CACNA2D3: variants seen among roughly 807,000 people sequenced by gnomAD.
The protein encoded by CACNA2D3 is voltage-dependent calcium channel subunit alpha-2/delta-3.
A neutral mutation model predicts 160.6 loss-of-function variants in CACNA2D3; 60 were observed. The ratio of observed to expected loss-of-function variants is 0.37; its 90% CI spans 0.30 to 0.46. CACNA2D3 has a LOEUF of 0.46. Among genes scored for constraint, CACNA2D3 ranks in the 20% least tolerant of loss-of-function variants. The pLI, the probability that CACNA2D3 is intolerant of heterozygous loss-of-function variation, is 1.00. For missense variants in CACNA2D3, 1,205 were observed against 1,365.0 expected (o/e 0.88, Z 1.85); for synonymous variants, 558 against 492.9 (o/e 1.13, Z -1.75).
chr3:54,921,385 A>G (rs930270322), intron 27 of CACNA2D3, among the ~76,000 whole-genome samples: 5 of 152,196 alleles, frequency 3.3e-5, no homozygotes, highest in African/African-American at 1.2e-4. Flanking sequence ...TATTTAGCAT[A>G]ATACCTAGCT....
intron 4 of CACNA2D3, among the ~76,000 whole-genome samples, chr3:54,413,222 CTTCTGATCTT>C (rs1699698179): frequency 6.6e-6 from 1 of 151,406 alleles, no homozygotes; most frequent in African/African-American, 2.4e-5. Flanking sequence ...ATTCCATTCT[CTTCTGATCTT>C]TAGTGTTTCT....
chr3:54,447,176 T>C (rs1420491054), intron 4 of CACNA2D3, among the ~76,000 whole-genome samples: 1 of 152,216 alleles, frequency 6.6e-6, no homozygotes, highest in Non-Finnish European at 1.5e-5. Context: ...ACCACATGCA[T>C]GGCAGCTGCA....
Position 54,581,784 on chromosome 3 carries a change from T to G in CACNA2D3, c.889-19T>G. 1 of 1,606,560 alleles carries G rather than the reference T, an allele frequency of 6.2e-7. No homozygotes were observed. On this transcript the variant is annotated intron_variant, in intron 8 of 37. Transcript: ENST00000474759. The stretch of plus-strand genomic sequence containing the variant: ...AATTCCTTAATTAAGTGTTCCTTCT[T>G]GACTTTTTTCCTTTGCAGTATAATG...
chr3:54,458,225 T>C (rs957287648), intron 4 of CACNA2D3, among the ~76,000 whole-genome samples: 5 of 152,268 alleles, frequency 3.3e-5, no homozygotes, highest in Middle Eastern at 3.4e-3. Flanking sequence ...TTTGATTCTT[T>C]TCTCTTACTT....
chr3:54,379,970 C>G (rs1426920933), intron 3 of CACNA2D3, among the ~76,000 whole-genome samples: 2 of 151,930 alleles, frequency 1.3e-5, no homozygotes, highest in African/African-American at 4.8e-5. Flanking sequence ...TCTAATTGCT[C>G]TAGCTACAAA....
intron 2 of CACNA2D3, among the ~76,000 whole-genome samples, chr3:54,166,111 G>A (rs1055094507): frequency 3.3e-5 from 5 of 152,178 alleles, no homozygotes; most frequent in African/African-American, 1.2e-4. Flanking sequence ...AGGCTTTGTT[G>A]AGATGGTTGG....
chr3:54,760,827 C>G (rs954680730), intron 12 of CACNA2D3, among the ~76,000 whole-genome samples: 1 of 152,040 alleles, frequency 6.6e-6, no homozygotes, highest in Non-Finnish European at 1.5e-5. Flanking sequence ...ATGAGAATGA[C>G]CAACTGGGAG....
intron 27 of CACNA2D3, among the ~76,000 whole-genome samples, chr3:54,919,225 C>T (rs1700764355): frequency 6.6e-6 from 1 of 152,180 alleles, no homozygotes; most frequent in African/African-American, 2.4e-5. Context: ...GCACAGCTGC[C>T]CACTGCATTC....
At chr3:54,617,227 T>C (rs1698873651) in intron 9 of CACNA2D3, among the ~76,000 whole-genome samples, 1 of 152,190 alleles carries the variant, frequency 6.6e-6, no homozygotes. Flanking sequence ...TTCTAGAATA[T>C]GGACCTTGCT....
In CACNA2D3 at chr3:54,987,732, T is replaced by C; in HGVS notation, c.2669T>C (p.Leu890Pro). ...EIEGAVMNKLLTMGSFKRITL... is the reference protein window; with the variant it reads ...EIEGAVMNKLPTMGSFKRITL... The stretch of plus-strand genomic sequence containing the variant: ...GAGGGAGCTGTGATGAACAAATTGC[T>C]AACAATGGGCTCCTTTAAAAGGTAA... The change falls in exon 31 of 38, where the codon CTA (leucine) becomes CCA (proline). Residue 890 changes from leucine (L) to proline (P), a missense_variant. This residue lies in a region of CACNA2D3 where 911 missense variants were observed against 1,002.2 expected (regional missense o/e 0.91). Coordinates refer to ENST00000474759, the MANE Select transcript of CACNA2D3 (RefSeq NM_018398.3). 2 of 1,610,638 alleles carry C rather than the reference T, an allele frequency of 1.2e-6. No individual in the cohort carries two copies. Among genetic ancestry groups the C allele is most frequent in the Non-Finnish European group, 1.7e-6 (2 of 1,178,748 alleles).
chr3:54,279,465 G>T (rs187661452), intron 2 of CACNA2D3, among the ~76,000 whole-genome samples: 169 of 152,148 alleles, frequency 1.1e-3, no homozygotes, highest in Non-Finnish European at 2.1e-3. Context: ...CCCTCTCTGT[G>T]TCTCTGGTAC....
intron 5 of CACNA2D3, among the ~76,000 whole-genome samples, chr3:54,526,285 C>T (rs1701721368): frequency 6.6e-6 from 1 of 152,088 alleles, no homozygotes; most frequent in Admixed American, 6.5e-5. Context: ...ATAATAGCTA[C>T]TTTGAAGTCT....
chr3:54,784,478 C>T (rs374202062), intron 13 of CACNA2D3, among the ~76,000 whole-genome samples: 6 of 152,076 alleles, frequency 3.9e-5, no homozygotes, highest in African/African-American at 9.7e-5. Context: ...TTTGCTCCCC[C>T]CAAATAGTCA....
At chr3:54,538,047 G>C (rs767186550) in intron 5 of CACNA2D3, among the ~76,000 whole-genome samples, 10 of 152,148 alleles carry the variant, frequency 6.6e-5, no homozygotes, top group Non-Finnish European at 1.3e-4. Context: ...AGTCACGTGA[G>C]TGTCCACCTG....
intron 11 of CACNA2D3, among the ~76,000 whole-genome samples, chr3:54,672,525 G>C (rs568755544): frequency 6.6e-6 from 1 of 152,152 alleles, no homozygotes; most frequent in South Asian, 2.1e-4. Context: ...TCATTTTAGG[G>C]GTTGTTTCCA....
intron 11 of CACNA2D3, among the ~76,000 whole-genome samples, chr3:54,748,821 C>T (rs536683049): frequency 1.1e-4 from 16 of 152,218 alleles, no homozygotes; most frequent in Admixed American, 1.3e-4. Flanking sequence ...AAGTTTGTTA[C>T]GTGGTGCTTC....
intron 2 of CACNA2D3, among the ~76,000 whole-genome samples, chr3:54,137,040 G>A (rs1247626573): frequency 6.6e-6 from 1 of 152,174 alleles, no homozygotes; most frequent in African/African-American, 2.4e-5. Flanking sequence ...CTCCCGGCCT[G>A]TGCACATCTT....
At chr3:54,245,901 T>C (rs1243965587) in intron 2 of CACNA2D3, among the ~76,000 whole-genome samples, 1 of 152,268 alleles carries the variant, frequency 6.6e-6, no homozygotes, top group Non-Finnish European at 1.5e-5. Flanking sequence ...ATCATCATTG[T>C]CATCTGGTAG....
At chr3:54,647,268 T>C (rs998682366) in intron 11 of CACNA2D3, among the ~76,000 whole-genome samples, 1 of 152,182 alleles carries the variant, frequency 6.6e-6, no homozygotes, top group Admixed American at 6.5e-5. Flanking sequence ...TTATGATCAT[T>C]TGTTATGTAG....
Sources: gnomAD v4.1 joint callset for allele counts (sites outside exome capture counted in the v4.1 genomes callset) on GRCh38, gnomAD v4.1.1 for gene constraint, gnomAD v4.1.1 regional missense constraint, MANE v1.5 for transcripts, NCBI Gene and HGNC (gene_info 2026-07-23, HGNC 2026-07-21) for gene names.